Variants in PANK4 observed in about 807,000 individuals in gnomAD.
PANK4 encodes 4'-phosphopantetheine phosphatase.
Under a neutral mutation model 87.9 loss-of-function variants are expected in PANK4, and 40 were observed. The observed-to-expected ratio is 0.46, with a 90% CI of 0.35 to 0.59. PANK4 has a LOEUF of 0.59. Among genes scored for constraint, PANK4 ranks in the 20% least tolerant of loss-of-function variants. The pLI is 0.00. For synonymous variants in PANK4, 524 were observed against 467.4 expected (o/e 1.12, Z -1.56); for missense variants, 926 against 1,072.3 (o/e 0.86, Z 1.90).
chr1:2,518,366 G>A, intron 8 of PANK4, 102 bp from the exon 9 acceptor site: 1 of 989,232 alleles, frequency 1.0e-6, no homozygotes, highest in Non-Finnish European at 1.5e-6. Flanking sequence ...TAACTAAATT[G>A]TTAAAATGTT....
At position 2,518,283 on chromosome 1, in the gene PANK4, G is replaced by A. The variant is rs760853317; in HGVS notation, c.1118-19C>T. On this transcript the variant is annotated intron_variant, in intron 8 of 18. Coordinates refer to ENST00000378466, the MANE Select transcript of PANK4 (RefSeq NM_018216.4). Reference sequence around the variant, plus strand: ...TTAGGATCTGGAAAGCAAGAAGCCAGGTCACTTGTGTTAACCTTGCCCTTG... The same window carrying A: ...TTAGGATCTGGAAAGCAAGAAGCCAAGTCACTTGTGTTAACCTTGCCCTTG... 5.1e-6 allele frequency: 8 copies of A among 1,560,794 alleles called. No homozygotes were observed. The highest frequency in any genetic ancestry group is 7.0e-6 in the Non-Finnish European group (8 of 1,135,638).
At position 2,520,024 on chromosome 1, in the gene PANK4, A is replaced by G. The variant is rs573022852; in HGVS notation, c.700-70T>C. 1.2e-5 allele frequency: 17 copies of G among 1,433,192 alleles called. No individual in the cohort carries two copies. In the South Asian group the frequency reaches 2.1e-4, roughly 18 times the overall value. 88.8% of individuals were successfully genotyped at this position (1,433,192 alleles called of 1,614,324 possible). On this transcript the variant is annotated intron_variant, in intron 5 of 18. Coordinates refer to ENST00000378466, the MANE Select transcript of PANK4 (RefSeq NM_018216.4). This position sits in a 1 kb window ranked among gnomAD's most constrained non-coding sequence, Gnocchi z 6.2. ...GGAATCCCCACGACCCCAGAAACCAAGCCCATGGCAGGAGGCACGCGCGGG... is the reference window on the plus strand; with the variant it reads ...GGAATCCCCACGACCCCAGAAACCAGGCCCATGGCAGGAGGCACGCGCGGG...
At position 2,519,056 on chromosome 1, in the gene PANK4, G is replaced by A. The variant is rs1643837225; in HGVS notation, c.1035+87C>T. On this transcript the variant is annotated intron_variant, in intron 7 of 18. Transcript: ENST00000378466. This position sits in a 1 kb window ranked among gnomAD's most constrained non-coding sequence, Gnocchi z 8.3. Reference sequence around the variant, plus strand: ...CCCCCACCCTCCAGGCCTCCCTGGGGGTGCTGCGGTGTCTAACCAGCATGA... The same window carrying A: ...CCCCCACCCTCCAGGCCTCCCTGGGAGTGCTGCGGTGTCTAACCAGCATGA... 1.5e-5 allele frequency: 19 copies of A among 1,262,306 alleles called. No individual in the cohort carries two copies. In the South Asian group the frequency reaches 2.3e-4, roughly 15 times the overall value. The allele number at this position is 1,262,306 out of a possible 1,614,324, so 78.2% of individuals were successfully genotyped here.
intron 1 of PANK4, 161 bp from the exon 2 acceptor site, chr1:2,521,961 G>T: frequency 1.6e-6 from 1 of 615,842 alleles, no homozygotes; most frequent in South Asian, 1.9e-5. Flanking sequence ...CAAAAGAGAG[G>T]ACAGGAAAAC....
intron 9 of PANK4, among the ~76,000 whole-genome samples, chr1:2,517,769 G>A (rs1417320646): frequency 1.3e-5 from 2 of 152,248 alleles, no homozygotes; most frequent in African/African-American, 2.4e-5. Flanking sequence ...GGCAGTGTGC[G>A]GCAGAGCGCG....
At chr1:2,518,412 C>T (rs541779109) in intron 8 of PANK4, 104 bp downstream of exon 8, 38 of 1,066,210 alleles carry the variant, frequency 3.6e-5, no homozygotes, top group Non-Finnish European at 4.3e-5. Context: ...TGAGGACTCA[C>T]GCTCCCCACC....
chr1:2,509,763 G>T lies in PANK4; in HGVS notation c.2108+99C>A. 9.5e-7 allele frequency: 1 copy of T among 1,047,124 alleles called. No homozygotes were observed. Among genetic ancestry groups the T allele is most frequent in the Non-Finnish European group, 1.5e-6 (1 of 682,610 alleles). The allele number at this position is 1,047,124 out of a possible 1,614,324, so 64.9% of individuals were successfully genotyped here. A position where few individuals can be genotyped will look rare whatever the true frequency, so the allele number is the denominator to read the frequency against. On this transcript the variant is annotated intron_variant, in intron 18 of 18. Coordinates refer to ENST00000378466, the MANE Select transcript of PANK4 (RefSeq NM_018216.4). The surrounding 1 kb of genome is among the most constrained non-coding windows in gnomAD (Gnocchi z 4.9). Reference sequence around the variant, plus strand: ...GGGGTCAGGAGAGGCCGCAGGGGCAGTCCTGAGGTCGGTGTCCCGCATGCA... The same window carrying T: ...GGGGTCAGGAGAGGCCGCAGGGGCATTCCTGAGGTCGGTGTCCCGCATGCA...
Position 2,510,012 on chromosome 1 carries a change from C to A in PANK4, c.2039+45G>T. The A allele has an allele frequency of 6.4e-7, 1 of 1,572,748 alleles. No individual in the cohort carries two copies. On this transcript the variant is annotated intron_variant, in intron 17 of 18. Coordinates refer to ENST00000378466, the MANE Select transcript of PANK4 (RefSeq NM_018216.4). The surrounding 1 kb of genome is among the most constrained non-coding windows in gnomAD (Gnocchi z 4.9). ...CATGGCCCACTCTGCCCAGCTGGTG[C>A]CCCTCCCCATCAAGGCCCCCCCAGC...
At chr1:2,513,655 A>C (rs1643704959) in intron 12 of PANK4, among the ~76,000 whole-genome samples, 1 of 152,160 alleles carries the variant, frequency 6.6e-6, no homozygotes, top group African/African-American at 2.4e-5. Context: ...CCCCAACCAC[A>C]ATCGCCCACC....
chr1:2,514,973 G>A (rs1643740992), intron 10 of PANK4, among the ~76,000 whole-genome samples: 1 of 152,124 alleles, frequency 6.6e-6, no homozygotes, highest in African/African-American at 2.4e-5. Context: ...TCCGGGTCCT[G>A]GGCAGGGCTG....
chr1:2,519,856 C>A lies in PANK4; in HGVS notation c.798G>T (p.Gly266=), dbSNP rs927630471. 2.5e-6 allele frequency: 4 copies of A among 1,573,704 alleles called. No homozygotes were observed. The highest frequency in any genetic ancestry group is 3.4e-6 in the Non-Finnish European group (4 of 1,160,230). The change falls in exon 6 of 19, where the codon GGG becomes GGT. Residue 266 remains glycine, a synonymous_variant. Coordinates refer to ENST00000378466, the MANE Select transcript of PANK4 (RefSeq NM_018216.4). This position sits in a 1 kb window ranked among gnomAD's most constrained non-coding sequence, Gnocchi z 8.3. ...DVYGGAHQTL[G]LSGNLIASSF... The stretch of plus-strand genomic sequence containing the variant: ...TGCTGGCGATGAGGTTCCCGCTCAG[C>A]CCGAGAGTCTGGTGGGCGCCGCCGT...
chr1:2,514,681 G>A (rs1305465400), intron 10 of PANK4, among the ~76,000 whole-genome samples: 2 of 142,606 alleles, frequency 1.4e-5, no homozygotes, highest in Non-Finnish European at 3.1e-5. Context: ...GGGGCTTCCC[G>A]GGGCAGGGTC....
intron 13 of PANK4, chr1:2,512,645 G>A: frequency 1.8e-6 from 1 of 549,124 alleles, no homozygotes; most frequent in Non-Finnish European, 3.2e-6. Flanking sequence ...TTAGGCCTCT[G>A]CGGCACCCAT....
In PANK4 at chr1:2,519,970, AG is replaced by A; in HGVS notation, c.700-17del. 2 of 1,538,798 alleles carry A rather than the reference AG, an allele frequency of 1.3e-6. No homozygotes were observed. The highest frequency in any genetic ancestry group is 1.2e-5 in the South Asian group (1 of 83,886). Reference sequence around the variant, plus strand: ...CGTCAAACTTCTGCAGGACACGGCGAGGGGGCGGGTGAGGCGCCAGGAGCTG... The same window carrying A: ...CGTCAAACTTCTGCAGGACACGGCGAGGGGCGGGTGAGGCGCCAGGAGCTG... On this transcript the variant is annotated splice_polypyrimidine_tract_variant and intron_variant, in intron 5 of 18. Transcript: ENST00000378466. The surrounding 1 kb of genome is among the most constrained non-coding windows in gnomAD (Gnocchi z 8.3).
In PANK4 at chr1:2,520,385, G is replaced by A. The variant is rs760878915; in HGVS notation, c.636C>T (p.Val212=). The part of the protein sequence containing the change: ...KVETEDRFEW[V]GGSSIGGGTF... ...TGCCGCCTCCAATGGAGCTGCCGCCGACCCACTCGAACCTGTCCTCCGTCT... is the reference window on the plus strand; with the variant it reads ...TGCCGCCTCCAATGGAGCTGCCGCCAACCCACTCGAACCTGTCCTCCGTCT... The change falls in exon 5 of 19, where the codon GTC becomes GTT. Residue 212 remains valine (V), a synonymous_variant. Coordinates refer to ENST00000378466, the MANE Select transcript of PANK4 (RefSeq NM_018216.4). The surrounding 1 kb of genome is among the most constrained non-coding windows in gnomAD (Gnocchi z 6.2). The A allele has an allele frequency of 5.0e-6, 8 of 1,612,896 alleles. No individual in the cohort carries two copies. Among genetic ancestry groups the A allele is most frequent in the Middle Eastern group, 1.7e-4 (1 of 6,058 alleles).
chr1:2,526,568 C>G lies in PANK4; in HGVS notation c.20G>C (p.Ser7Thr), dbSNP rs760875892. 1.9e-6 allele frequency: 3 copies of G among 1,601,946 alleles called. No individual in the cohort carries two copies. In the East Asian group the frequency reaches 6.9e-5, roughly 37 times the overall value. Residue 7 changes from serine (S) to threonine (T), a missense_variant, in exon 1 of 19, where the codon AGC (serine) becomes ACC (threonine). By Grantham distance (58) the Ser-to-Thr change is moderately conservative (BLOSUM62 1). Transcript: ENST00000378466. MAECGASGSGSSGDSLD... is the reference protein window; with the variant it reads MAECGATGSGSSGDSLD... ...ACTGTCCCCGCTGCTCCCGCTGCCGCTCGCTCCACACTCCGCCATTTTGAA... is the reference window on the plus strand; with the variant it reads ...ACTGTCCCCGCTGCTCCCGCTGCCGGTCGCTCCACACTCCGCCATTTTGAA...
intron 14 of PANK4, 110 bp downstream of exon 14, chr1:2,511,518 G>T: frequency 2.8e-6 from 3 of 1,068,730 alleles, no homozygotes; most frequent in Non-Finnish European, 4.4e-6. Context: ...ACAGAGCCTT[G>T]AGCAGGGGAG....
rs995585245 is a variant in PANK4, at chr1:2,508,694, G to A, written c.*153C>T. On this transcript the variant is annotated 3_prime_UTR_variant, in exon 19 of 19. Transcript: ENST00000378466. The surrounding 1 kb of genome is among the most constrained non-coding windows in gnomAD (Gnocchi z 5.1). ...GTCTCCCAGGACAAAGCTGCGTCTCGCCTCTGGGTCACACGCATCTGTGCG... is the reference window on the plus strand; with the variant it reads ...GTCTCCCAGGACAAAGCTGCGTCTCACCTCTGGGTCACACGCATCTGTGCG... 1.9e-5 allele frequency: 11 copies of A among 584,570 alleles called. No homozygotes were observed. The highest frequency in any genetic ancestry group is 4.5e-5 in the South Asian group (2 of 44,160). 36.2% of individuals were successfully genotyped at this position (584,570 alleles called of 1,614,324 possible).
chr1:2,510,776 G>C lies in PANK4; in HGVS notation c.1840C>G (p.Pro614Ala). The change falls in exon 16 of 19, where the codon CCT (proline) becomes GCT (alanine). Residue 614 changes from proline (P) to alanine (A), a missense_variant. Coordinates refer to ENST00000378466, the MANE Select transcript of PANK4 (RefSeq NM_018216.4). The surrounding 1 kb of genome is among the most constrained non-coding windows in gnomAD (Gnocchi z 4.9). The part of the protein sequence containing the change: ...SEWLQRLKGP[P>A]HKCALIFADN... ...GCGAAAATTAAGGCACATTTATGAGGGGGCCCCTGTAAGACAAAACCAGGA... is the reference window on the plus strand; with the variant it reads ...GCGAAAATTAAGGCACATTTATGAGCGGGCCCCTGTAAGACAAAACCAGGA... 6.2e-7 allele frequency: 1 copy of C among 1,607,492 alleles called. No homozygotes were observed. Among genetic ancestry groups the C allele is most frequent in the South Asian group, 1.1e-5 (1 of 90,982 alleles).
Sources: allele counts gnomAD v4.1 joint callset (sites outside exome capture counted in the v4.1 genomes callset), GRCh38; gene constraint gnomAD v4.1.1; non-coding constraint Gnocchi (gnomAD v3.1); transcripts MANE v1.5; gene names NCBI Gene and HGNC (gene_info 2026-07-23, HGNC 2026-07-21).